ARHGAP26: variants seen among roughly 807,000 people sequenced by gnomAD.
The protein encoded by ARHGAP26 is rho GTPase-activating protein 26.
Under a neutral mutation model 104.8 loss-of-function variants are expected in ARHGAP26, and 38 were observed. The ratio of observed to expected loss-of-function variants is 0.36; its 90% CI spans 0.28 to 0.48. The LOEUF (loss-of-function observed/expected upper bound fraction) is 0.48. Ranked by LOEUF, ARHGAP26 falls within the 20% of genes least tolerant of loss-of-function variation. The pLI, the probability that ARHGAP26 is intolerant of heterozygous loss-of-function variation, is 0.99. For missense variants in ARHGAP26, 704 were observed against 947.9 expected (o/e 0.74, Z 3.38); for synonymous variants, 341 against 340.0 (o/e 1.00, Z -0.03).
intron 17 of ARHGAP26, among the ~76,000 whole-genome samples, chr5:143,096,265 C>T (rs926377758): frequency 6.6e-6 from 1 of 152,178 alleles, no homozygotes; most frequent in African/African-American, 2.4e-5. Context: ...TTAATATCAC[C>T]ACTTATTTTA....
intron 10 of ARHGAP26, chr5:142,921,558 G>T (rs405320): frequency 0.2 from 33,616 of 166,864 alleles, 3,960 homozygotes; most frequent in East Asian, 0.45. Context: ...ACTGAAGATT[G>T]GTGAAAGTCA....
intron 19 of ARHGAP26, among the ~76,000 whole-genome samples, chr5:143,137,946 C>T (rs927968119): frequency 6.6e-6 from 1 of 152,246 alleles, no homozygotes; most frequent in Non-Finnish European, 1.5e-5. Flanking sequence ...AGAGAAGAAG[C>T]TCCTCAGGCT....
chr5:143,175,225 G>C (rs984729062), intron 20 of ARHGAP26, among the ~76,000 whole-genome samples: 2 of 152,116 alleles, frequency 1.3e-5, no homozygotes, highest in African/African-American at 4.8e-5. Flanking sequence ...AGAAATCTAG[G>C]GTCAGGCTTG....
intron 17 of ARHGAP26, among the ~76,000 whole-genome samples, chr5:143,103,742 C>G (rs1266132936): frequency 6.6e-6 from 1 of 152,056 alleles, no homozygotes; most frequent in Non-Finnish European, 1.5e-5. Context: ...GGGAGTTGAA[C>G]AGTGAGAACA....
chr5:142,998,224 A>G (rs561612357), intron 11 of ARHGAP26, among the ~76,000 whole-genome samples: 2 of 152,298 alleles, frequency 1.3e-5, no homozygotes, highest in African/African-American at 2.4e-5. Context: ...GTATATTTAT[A>G]TATTCCTTTT....
chr5:142,957,194 C>T (rs1191882170), intron 11 of ARHGAP26, among the ~76,000 whole-genome samples: 1 of 152,160 alleles, frequency 6.6e-6, no homozygotes, highest in African/African-American at 2.4e-5. Flanking sequence ...TGATGAGGCT[C>T]TCAATTGCTT....
At chr5:142,809,101 T>C (rs542764052) in intron 1 of ARHGAP26, among the ~76,000 whole-genome samples, 1 of 152,352 alleles carries the variant, frequency 6.6e-6, no homozygotes, top group Admixed American at 6.5e-5. Context: ...TGAGTGCAAC[T>C]GCATGAAATG....
chr5:143,064,497 A>G (rs1787197132), intron 17 of ARHGAP26, among the ~76,000 whole-genome samples: 1 of 149,714 alleles, frequency 6.7e-6, no homozygotes, highest in Non-Finnish European at 1.5e-5. Flanking sequence ...ATTTATGGGT[A>G]TGGGGCAGGA....
In ARHGAP26 at chr5:142,770,653, C is replaced by T. The variant is rs960103213; in HGVS notation, c.-109C>T. ...TGAGCCAGCGCCACACCTGTGGAGC[C>T]GGCGGCCGTCGGGGGAGCCGGCCGG... is the stretch of plus-strand genomic sequence containing the variant. On this transcript the variant is annotated 5_prime_UTR_variant, in exon 1 of 23. Transcript: ENST00000645722. The T allele has an allele frequency of 6.5e-5, 53 of 811,962 alleles. No homozygotes were observed. The highest frequency in any genetic ancestry group is 7.9e-5 in the Non-Finnish European group (52 of 660,630). 50.3% of individuals were successfully genotyped at this position (811,962 alleles called of 1,614,324 possible).
At chr5:142,936,108 AACACACACACACACAC>A (rs149919795) in intron 11 of ARHGAP26, among the ~76,000 whole-genome samples, 2 of 139,840 alleles carry the variant, frequency 1.4e-5, no homozygotes, top group South Asian at 4.6e-4. Context: ...AATCCCAAGG[AACACACACACACACAC>A]ACACACACAC....
chr5:143,147,323 A>G lies in ARHGAP26; in HGVS notation c.1930A>G (p.Asn644Asp). Residue 644 changes from asparagine (N) to aspartate (D), a missense_variant, in exon 20 of 23, where the codon AAC becomes GAC. Coordinates refer to ENST00000645722, the MANE Select transcript of ARHGAP26 (RefSeq NM_001135608.3). Reference protein sequence around the residue: ...ILNSSSSLQPNMNSSDPDLAV... With the variant: ...ILNSSSSLQPDMNSSDPDLAV... The stretch of plus-strand genomic sequence containing the variant: ...TAATTCCAGCAGCAGCTTACAGCCC[A>G]ACATGAACTCCAGTGACCCAGACCT... 1.2e-6 allele frequency: 2 copies of G among 1,614,082 alleles called. No homozygotes were observed. Among genetic ancestry groups the G allele is most frequent in the Non-Finnish European group, 1.7e-6 (2 of 1,179,984 alleles).
chr5:142,813,778 A>T (rs917089922), intron 1 of ARHGAP26, among the ~76,000 whole-genome samples: 13 of 152,220 alleles, frequency 8.5e-5, no homozygotes, highest in African/African-American at 3.1e-4. Flanking sequence ...TCTATTTCCA[A>T]ATACAGTCCC....
rs1267418603 is a variant in ARHGAP26 at position 142,926,868 on chromosome 5, G to GTGATTACAA, written c.1029-5178_1029-5170dup. On this transcript the variant is annotated intron_variant, in intron 10 of 22. Coordinates refer to ENST00000645722, the MANE Select transcript of ARHGAP26 (RefSeq NM_001135608.3). The stretch of plus-strand genomic sequence containing the variant: ...GCTCACCCCACCTCTACCTGCCCCT[G>GTGATTACAA]TGATTACAACTAATTTTTGGAGCAT... Among the ~76,000 whole-genome samples, 3 of 152,212 alleles carry GTGATTACAA rather than the reference G, an allele frequency of 2.0e-5. No individual in the cohort carries two copies. The East Asian group carries it at 5.8e-4, about 29-fold the overall frequency.
intron 18 of ARHGAP26, among the ~76,000 whole-genome samples, chr5:143,121,465 A>G (rs890059216): frequency 3.3e-5 from 5 of 152,234 alleles, no homozygotes; most frequent in East Asian, 3.8e-4. Flanking sequence ...CAACAATTCA[A>G]TGAAGGAAGT....
chr5:142,787,257 G>A lies in ARHGAP26; in HGVS notation c.154+16342G>A, dbSNP rs147631906. 5.2e-3 allele frequency among the ~76,000 whole-genome samples: 787 copies of A among 152,294 alleles called. 6 individuals carry two copies. Among genetic ancestry groups the A allele is most frequent in the African/African-American group, 0.018 (765 of 41,552 alleles). On this transcript the variant is annotated intron_variant, in intron 1 of 22. Coordinates refer to ENST00000645722, the MANE Select transcript of ARHGAP26 (RefSeq NM_001135608.3). ...TCTCATTTTTATCATTGGGGTGGGA[G>A]AGTGCCATTAAAATGGTCTTTAACA...
At chr5:143,114,348 T>C (rs1795152901) in intron 17 of ARHGAP26, among the ~76,000 whole-genome samples, 1 of 152,154 alleles carries the variant, frequency 6.6e-6, no homozygotes, top group Admixed American at 6.5e-5. Flanking sequence ...CAGTCCTGCC[T>C]CACCGAGTCC....
At chr5:142,990,680 C>T (rs1431744426) in intron 11 of ARHGAP26, among the ~76,000 whole-genome samples, 1 of 152,202 alleles carries the variant, frequency 6.6e-6, no homozygotes, top group African/African-American at 2.4e-5. Flanking sequence ...TTCCTTCTAA[C>T]AGTTAGGACT....
At chr5:142,867,925 T>C (rs1280256812) in intron 1 of ARHGAP26, 2 of 152,098 alleles carry the variant, frequency 1.3e-5, no homozygotes, top group African/African-American at 2.4e-5. Context: ...AATGGACTTA[T>C]GGAGTGCCCA....
At chr5:143,218,569 A>G in intron 22 of ARHGAP26, among the ~76,000 whole-genome samples, 1 of 152,226 alleles carries the variant, frequency 6.6e-6, no homozygotes, top group East Asian at 1.9e-4. Context: ...GGCAGAAGAC[A>G]TGAGTTGTGT....
Sources: gnomAD v4.1 joint callset for allele counts (sites outside exome capture counted in the v4.1 genomes callset) on GRCh38, gnomAD v4.1.1 for gene constraint, MANE v1.5 for transcripts, NCBI Gene and HGNC (gene_info 2026-07-23, HGNC 2026-07-21) for gene names.